Variants in TRIM44 observed in about 807,000 individuals in gnomAD.
TRIM44 encodes the protein tripartite motif containing 44.
In TRIM44, 13 loss-of-function variants were observed where a neutral mutation model predicts 37.4. The ratio of observed to expected loss-of-function variants is 0.35; its 90% confidence interval spans 0.23 to 0.55. The LOEUF (loss-of-function observed/expected upper bound fraction) is 0.55, where lower values mean the gene tolerates loss of function less well. Ranked by LOEUF, TRIM44 falls within the 20% of genes least tolerant of loss-of-function variation. The pLI is 0.89. For missense variants in TRIM44, 426 were observed against 437.2 expected, an observed-to-expected ratio of 0.97 and a Z score of 0.23; for synonymous variants, 175 against 157.2, an observed-to-expected ratio of 1.11 and a Z score of -0.85.
intron 2 of TRIM44, among the ~76,000 whole-genome samples, chr11:35,710,252 T>G (rs1007591): frequency 0.14 from 21,041 of 152,036 alleles, 1,543 homozygotes; most frequent in Non-Finnish European, 0.16. Flanking sequence ...TATATATATA[T>G]AGAGAGAGAG....
chr11:35,758,999 A>C lies in TRIM44; in HGVS notation c.1007+23554A>C, dbSNP rs1440776801. On this transcript the variant is annotated intron_variant, in intron 4 of 4. Coordinates refer to ENST00000299413, the MANE Select transcript of TRIM44 (RefSeq NM_017583.6). ...TGTCTTGGAGTTGCTCTTCTCAAGG[A>C]GTATCTTTGTGGCATTCTCTGTATT... is the stretch of plus-strand genomic sequence containing the variant. 2.0e-5 allele frequency among the ~76,000 whole-genome samples: 3 copies of C among 152,088 alleles called. No individual in the cohort carries two copies. The East Asian group carries it at 5.8e-4, about 29-fold the overall frequency.
intron 4 of TRIM44, among the ~76,000 whole-genome samples, chr11:35,796,067 T>C (rs1818247512): frequency 6.6e-6 from 1 of 152,144 alleles, no homozygotes; most frequent in Non-Finnish European, 1.5e-5. Flanking sequence ...CAAACCCAGG[T>C]GTTTGTGACT....
rs1022963797 is a variant in TRIM44, at chr11:35,814,334, T to C, written c.*7949T>C. The C allele has an allele frequency of 2.6e-5, 4 of 152,238 alleles. No individual in the cohort carries two copies. Among genetic ancestry groups the C allele is most frequent in the Non-Finnish European group, 4.4e-5 (3 of 68,040 alleles). 9.4% of individuals were successfully genotyped at this position (152,238 alleles called of 1,614,324 possible). A position where few individuals can be genotyped will look rare whatever the true frequency, so the allele number is the denominator to read the frequency against. On this transcript the variant is annotated 3_prime_UTR_variant, in exon 5 of 5. Coordinates refer to ENST00000299413, the MANE Select transcript of TRIM44 (RefSeq NM_017583.6). The stretch of plus-strand genomic sequence containing the variant: ...CAGAAGCAAAAGACACATGAAGTTA[T>C]GTGGCAGTTCCTCACTAGGGAATTT...
intron 4 of TRIM44, among the ~76,000 whole-genome samples, chr11:35,795,176 C>T (rs1356215380): frequency 6.6e-6 from 1 of 152,062 alleles, no homozygotes; most frequent in African/African-American, 2.4e-5. Context: ...TGGCATGAAT[C>T]AGGCTGGAAA....
intron 4 of TRIM44, among the ~76,000 whole-genome samples, chr11:35,744,842 T>TA (rs1306156025): frequency 6.6e-6 from 1 of 152,158 alleles, no homozygotes; most frequent in Non-Finnish European, 1.5e-5. Context: ...GTTCCTATGT[T>TA]AGTTTCCTGA....
chr11:35,678,607 C>T (rs1466591731), intron 1 of TRIM44, among the ~76,000 whole-genome samples: 5 of 151,928 alleles, frequency 3.3e-5, no homozygotes, highest in African/African-American at 4.8e-5. Context: ...CCCCTCTCCC[C>T]GCTCCCTCCC....
chr11:35,754,952 C>T (rs1263048395), intron 4 of TRIM44, among the ~76,000 whole-genome samples: 2 of 152,158 alleles, frequency 1.3e-5, no homozygotes, highest in African/African-American at 4.8e-5. Context: ...GTGAATAGTG[C>T]TGCAATAAAC....
chr11:35,701,018 A>AT (rs930179427), intron 2 of TRIM44, among the ~76,000 whole-genome samples: 3 of 151,768 alleles, frequency 2.0e-5, no homozygotes, highest in African/African-American at 2.4e-5. Context: ...CCAGTTTTGA[A>AT]TTTTTTTTTA....
intron 4 of TRIM44, among the ~76,000 whole-genome samples, chr11:35,739,417 G>C (rs898442651): frequency 1.3e-5 from 2 of 152,132 alleles, no homozygotes; most frequent in African/African-American, 4.8e-5. Context: ...CAAAATGGCA[G>C]CATGCTTCTC....
chr11:35,750,541 A>G (rs1852547496), intron 4 of TRIM44, among the ~76,000 whole-genome samples: 1 of 152,222 alleles, frequency 6.6e-6, no homozygotes, highest in Admixed American at 6.5e-5. Flanking sequence ...GCCTTGTGAT[A>G]ATGAAATATG....
intron 2 of TRIM44, among the ~76,000 whole-genome samples, chr11:35,695,510 A>G (rs1163905788): frequency 6.6e-6 from 1 of 152,098 alleles, no homozygotes; most frequent in African/African-American, 2.4e-5. Flanking sequence ...TTGAAGTTCC[A>G]GGAATTCTTA....
chr11:35,789,410 G>A (rs1035691906), intron 4 of TRIM44, among the ~76,000 whole-genome samples: 5 of 152,128 alleles, frequency 3.3e-5, no homozygotes, highest in African/African-American at 4.8e-5. Context: ...TTCATACAGC[G>A]TTTAATGAGA....
chr11:35,757,478 T>C (rs1852661445), intron 4 of TRIM44, among the ~76,000 whole-genome samples: 1 of 152,160 alleles, frequency 6.6e-6, no homozygotes, highest in African/African-American at 2.4e-5. Context: ...TTTTGAAGGG[T>C]TTTTTATGTC....
chr11:35,673,044 T>A (rs1851417079), intron 1 of TRIM44, among the ~76,000 whole-genome samples: 2 of 152,350 alleles, frequency 1.3e-5, no homozygotes, highest in African/African-American at 2.4e-5. Flanking sequence ...TTTCTTAACC[T>A]GTAAAAAGTC....
At chr11:35,728,187 A>G (rs1332021287) in intron 3 of TRIM44, among the ~76,000 whole-genome samples, 1 of 152,148 alleles carries the variant, frequency 6.6e-6, no homozygotes, top group Non-Finnish European at 1.5e-5. Flanking sequence ...TTAGCTGGGT[A>G]TGGTGGCGAG....
intron 3 of TRIM44, among the ~76,000 whole-genome samples, chr11:35,727,886 A>C (rs1251856873): frequency 6.6e-6 from 1 of 152,248 alleles, no homozygotes; most frequent in Non-Finnish European, 1.5e-5. Flanking sequence ...TTACAATGTC[A>C]AGATGGTCAG....
intron 4 of TRIM44, among the ~76,000 whole-genome samples, chr11:35,782,295 A>C (rs2133872623): frequency 6.6e-6 from 1 of 152,282 alleles, no homozygotes; most frequent in Non-Finnish European, 1.5e-5. Flanking sequence ...AGCCAGTTGG[A>C]TCCAAGGGAA....
At chr11:35,699,119 G>T (rs891032144) in intron 2 of TRIM44, among the ~76,000 whole-genome samples, 4 of 147,130 alleles carry the variant, frequency 2.7e-5, no homozygotes, top group African/African-American at 1.0e-4. Context: ...ATTTCTGAGG[G>T]TTCTGTTCTG....
chr11:35,789,097 G>A (rs914736887), intron 4 of TRIM44, among the ~76,000 whole-genome samples: 1 of 152,110 alleles, frequency 6.6e-6, no homozygotes, highest in Non-Finnish European at 1.5e-5. Context: ...GTGGTTGACT[G>A]AAAAATATTT....
Sources: gnomAD v4.1 joint callset for allele counts (sites outside exome capture counted in the v4.1 genomes callset) on GRCh38, gnomAD v4.1.1 for gene constraint, MANE v1.5 for transcripts, NCBI Gene and HGNC (gene_info 2026-07-23, HGNC 2026-07-21) for gene names.